Variants in HTR2C observed in about 807,000 individuals in gnomAD.
HTR2C encodes 5-hydroxytryptamine (serotonin) receptor 2C, G protein-coupled.
In HTR2C, 5 loss-of-function variants were observed where a neutral mutation model predicts 21.0. The ratio of observed to expected loss-of-function variants is 0.24; its 90% CI spans 0.12 to 0.50. HTR2C has a LOEUF of 0.50. HTR2C is among the 20% of genes least tolerant of loss of function. The pLI, the probability that HTR2C is intolerant of heterozygous loss-of-function variation, is 0.98. For synonymous variants in HTR2C, 150 were observed against 145.3 expected (o/e 1.03, Z -0.23); for missense variants, 271 against 371.2 (o/e 0.73, Z 2.22).
chrX:114,890,097 TTTC>T (rs1430799613), intron 5 of HTR2C, among the ~76,000 whole-genome samples: 2 of 112,081 alleles, frequency 1.8e-5, no homozygotes, highest in African/African-American at 6.5e-5. Flanking sequence ...TTTAAATAAA[TTTC>T]TTAGTATGCA....
chrX:114,674,485 C>T (rs1411686996), intron 2 of HTR2C, among the ~76,000 whole-genome samples: 2 of 111,076 alleles, frequency 1.8e-5, no homozygotes, highest in Admixed American at 9.6e-5. Flanking sequence ...TGTCTTCTGG[C>T]GCCCCTTTTC....
rs782806026 is a variant in HTR2C at position 114,713,747 on chromosome X, TATTATGAAATG to T, written c.-79-13097_-79-13087del. 6.3e-5 allele frequency among the ~76,000 whole-genome samples: 7 copies of T among 111,764 alleles called. No homozygotes were observed. The East Asian group carries it at 8.4e-4, about 13-fold the overall frequency. ...TTCAAACATTCAAAGGGCTTTGAAT[TATTATGAAATG>T]ATTATGAAATGATGGTGCTTTGGAT... On this transcript the variant is annotated intron_variant, in intron 2 of 5. Coordinates refer to ENST00000276198, the MANE Select transcript of HTR2C (RefSeq NM_000868.4).
At chrX:114,789,195 C>G (rs2070207374) in intron 4 of HTR2C, among the ~76,000 whole-genome samples, 2 of 112,019 alleles carry the variant, frequency 1.8e-5, no homozygotes, top group Admixed American at 1.9e-4. Flanking sequence ...GAATTTGCAA[C>G]AGTTTAATTA....
At chrX:114,808,845 C>T (rs1481474965) in intron 4 of HTR2C, among the ~76,000 whole-genome samples, 4 of 111,402 alleles carry the variant, frequency 3.6e-5, no homozygotes, top group Non-Finnish European at 7.5e-5. Context: ...TTTTTGAGCT[C>T]CTTATACATT....
chrX:114,834,315 A>C (rs2070759158), intron 4 of HTR2C, among the ~76,000 whole-genome samples: 1 of 106,105 alleles, frequency 9.4e-6, no homozygotes, highest in Non-Finnish European at 1.9e-5. Context: ...AAAGTCTCCC[A>C]TTATTAATGT....
chrX:114,721,709 G>A (rs1933224138), intron 2 of HTR2C, among the ~76,000 whole-genome samples: 1 of 109,903 alleles, frequency 9.1e-6, no homozygotes, highest in Non-Finnish European at 1.9e-5. Context: ...GTGTAAGGAA[G>A]GGATCCAGTT....
intron 4 of HTR2C, among the ~76,000 whole-genome samples, chrX:114,760,376 T>G (rs1168388047): frequency 8.9e-6 from 1 of 111,801 alleles, no homozygotes; most frequent in Non-Finnish European, 1.9e-5. Flanking sequence ...TTGGATTAAT[T>G]TTTACAAGTA....
intron 2 of HTR2C, among the ~76,000 whole-genome samples, chrX:114,718,878 G>A (rs1025022659): frequency 9.7e-6 from 1 of 103,161 alleles, no homozygotes; most frequent in Non-Finnish European, 1.9e-5. Flanking sequence ...ACACACAAAT[G>A]TTATATAAGT....
intron 4 of HTR2C, among the ~76,000 whole-genome samples, chrX:114,778,010 A>G (rs1420616129): frequency 1.8e-5 from 2 of 112,286 alleles, no homozygotes; most frequent in African/African-American, 6.5e-5. Context: ...CTATATTTAC[A>G]TAACAGAAAA....
intron 4 of HTR2C, among the ~76,000 whole-genome samples, chrX:114,820,555 A>G (rs1407958775): frequency 9.9e-5 from 11 of 110,579 alleles, no homozygotes; most frequent in African/African-American, 3.6e-4. Context: ...CCAAATCTCA[A>G]CTTGAATTGT....
intron 5 of HTR2C, among the ~76,000 whole-genome samples, chrX:114,895,762 C>T (rs782010521): frequency 4.4e-4 from 49 of 110,956 alleles, no homozygotes; most frequent in African/African-American, 2.0e-4. Flanking sequence ...CTGAGGCGGG[C>T]GGATCACATG....
chrX:114,644,362 AATATATATATATATATATAT>A lies in HTR2C; in HGVS notation c.-80+30508_-80+30527del, dbSNP rs782451317. Among the ~76,000 whole-genome samples the A allele has an allele frequency of 3.8e-3, 145 of 38,248 alleles. 1 individual carries two copies. The highest frequency in any genetic ancestry group is 0.011 in the East Asian group (14 of 1,245). The allele number at this position is 38,248 out of a possible 115,157, so 33.2% of individuals were successfully genotyped here. On this transcript the variant is annotated intron_variant, in intron 2 of 5. Transcript: ENST00000276198. The stretch of plus-strand genomic sequence containing the variant: ...TCCATCTAAAATAAATAAATAAATA[AATATATATATATATATATAT>A]ATATATATATATATATATATATATA...
chrX:114,700,768 C>T (rs1932444896), intron 2 of HTR2C, among the ~76,000 whole-genome samples: 1 of 112,605 alleles, frequency 8.9e-6, no homozygotes, highest in South Asian at 3.6e-4. Flanking sequence ...TTGCCTCACT[C>T]GGGAAGCCCA....
At chrX:114,805,199 A>G (rs2070389451) in intron 4 of HTR2C, among the ~76,000 whole-genome samples, 3 of 110,630 alleles carry the variant, frequency 2.7e-5, no homozygotes, top group Middle Eastern at 4.2e-3. Context: ...TTTACTCTGT[A>G]GCCATTTTTT....
chrX:114,787,445 A>C (rs1248276848), intron 4 of HTR2C, among the ~76,000 whole-genome samples: 1 of 111,966 alleles, frequency 8.9e-6, no homozygotes, highest in African/African-American at 3.2e-5. Flanking sequence ...ATGATTTCAC[A>C]AGTCAGAAAT....
intron 2 of HTR2C, among the ~76,000 whole-genome samples, chrX:114,646,733 T>TA (rs1464643879): frequency 1.8e-5 from 2 of 112,191 alleles, no homozygotes; most frequent in African/African-American, 6.5e-5. Flanking sequence ...GGGTCATATC[T>TA]AAAAAATCAT....
intron 4 of HTR2C, among the ~76,000 whole-genome samples, chrX:114,802,695 T>C (rs1556447231): frequency 1.1e-5 from 1 of 92,158 alleles, no homozygotes; most frequent in African/African-American, 4.1e-5. Flanking sequence ...TCTTTCTTTC[T>C]TTCTTTCTTT....
intron 2 of HTR2C, among the ~76,000 whole-genome samples, chrX:114,628,341 T>G (rs193143629): frequency 9.3e-6 from 1 of 107,943 alleles, no homozygotes; most frequent in Non-Finnish European, 1.9e-5. Context: ...CGGGTTCAAG[T>G]GATTCTTGTG....
At chrX:114,654,734 G>A (rs942189695) in intron 2 of HTR2C, among the ~76,000 whole-genome samples, 6 of 110,038 alleles carry the variant, frequency 5.5e-5, no homozygotes, top group African/African-American at 2.0e-4. Flanking sequence ...TTAATATACT[G>A]TGTTGAAGTG....
Sources: gnomAD v4.1 joint callset for allele counts (sites outside exome capture counted in the v4.1 genomes callset) on GRCh38, gnomAD v4.1.1 for gene constraint, MANE v1.5 for transcripts, NCBI Gene and HGNC (gene_info 2026-07-23, HGNC 2026-07-21) for gene names.